Variants in CDK14 observed in about 807,000 individuals in gnomAD.
The protein encoded by CDK14 is cyclin dependent kinase 14, also known as cyclin-dependent kinase 14.
A neutral mutation model predicts 60.7 loss-of-function variants in CDK14; 34 were observed. The ratio of observed to expected loss-of-function variants is 0.56; its 90% confidence interval spans 0.43 to 0.75. CDK14 has a LOEUF of 0.75. Among genes scored for constraint, CDK14 ranks in the 30% least tolerant of loss-of-function variants. The pLI is 0.00. For missense variants in CDK14, 482 were observed against 564.1 expected (o/e 0.85, Z 1.47); for synonymous variants, 197 against 203.7 (o/e 0.97, Z 0.28).
chr7:90,877,319 T>A (rs892048150), intron 6 of CDK14, among the ~76,000 whole-genome samples: 1 of 152,242 alleles, frequency 6.6e-6, no homozygotes, highest in Non-Finnish European at 1.5e-5. Flanking sequence ...AACATTCAAC[T>A]TCTAGTGAGT....
chr7:91,109,356 C>T (rs748009680), intron 12 of CDK14, among the ~76,000 whole-genome samples: 36 of 152,140 alleles, frequency 2.4e-4, no homozygotes, highest in Middle Eastern at 3.4e-3. Flanking sequence ...AATTTGTCAG[C>T]GTTCACCAGC....
chr7:90,853,937 T>C (rs1009842784), intron 5 of CDK14, among the ~76,000 whole-genome samples: 2 of 152,164 alleles, frequency 1.3e-5, no homozygotes, highest in African/African-American at 4.8e-5. Flanking sequence ...GAATGGTCTG[T>C]TTCTCCATAA....
chr7:91,026,789 A>G (rs1562873580), intron 10 of CDK14, among the ~76,000 whole-genome samples: 1 of 152,162 alleles, frequency 6.6e-6, no homozygotes, highest in Admixed American at 6.5e-5. Flanking sequence ...TCATAGTCAT[A>G]TATGGTGAGG....
Position 90,821,464 on chromosome 7 carries a change from C to G in CDK14, c.544+30812C>G, listed in dbSNP as rs542380005. 5.3e-5 allele frequency among the ~76,000 whole-genome samples: 8 copies of G among 152,284 alleles called. No individual in the cohort carries two copies. The South Asian group carries it at 1.7e-3, about 32-fold the overall frequency. On this transcript the variant is annotated intron_variant, in intron 5 of 14. Transcript: ENST00000380050. Reference sequence around the variant, plus strand: ...TAATTTCTTTGTTCGTGTGGCTGTCCTTTGCTCTGTAACTGCCCTCTGAGT... The same window carrying G: ...TAATTTCTTTGTTCGTGTGGCTGTCGTTTGCTCTGTAACTGCCCTCTGAGT...
intron 2 of CDK14, among the ~76,000 whole-genome samples, chr7:90,609,477 C>T (rs1464766704): frequency 1.3e-5 from 2 of 152,096 alleles, no homozygotes; most frequent in Non-Finnish European, 2.9e-5. Flanking sequence ...CCCCTTGGTG[C>T]TGTTCTGGTG....
intron 13 of CDK14, 149 bp from the exon 14 acceptor site, chr7:91,117,916 C>G (rs571029170): frequency 6.0e-5 from 30 of 502,180 alleles, no homozygotes; most frequent in African/African-American, 5.6e-4. Flanking sequence ...GTGCCTGCGA[C>G]CACCTGGCAT....
chr7:91,042,260 A>G (rs921284498), intron 10 of CDK14, among the ~76,000 whole-genome samples: 10 of 152,096 alleles, frequency 6.6e-5, no homozygotes, highest in Non-Finnish European at 1.5e-4. Flanking sequence ...TTATAACCGT[A>G]TACTCTACTG....
intron 11 of CDK14, among the ~76,000 whole-genome samples, chr7:91,048,109 A>G (rs1234924086): frequency 6.6e-6 from 1 of 152,162 alleles, no homozygotes; most frequent in African/African-American, 2.4e-5. Context: ...TAAAAATATC[A>G]AGCAATAGGA....
intron 2 of CDK14, among the ~76,000 whole-genome samples, chr7:90,664,877 C>T (rs1189521387): frequency 2.0e-5 from 3 of 151,992 alleles, no homozygotes; most frequent in Non-Finnish European, 2.9e-5. Flanking sequence ...CAACATGGCA[C>T]GTGTATACAT....
chr7:90,642,296 C>T (rs1012667434), intron 2 of CDK14, among the ~76,000 whole-genome samples: 1 of 152,148 alleles, frequency 6.6e-6, no homozygotes, highest in Admixed American at 6.5e-5. Flanking sequence ...TTGCACATAT[C>T]ACCTTAAACA....
chr7:90,738,454 T>A (rs1584841745), intron 3 of CDK14, among the ~76,000 whole-genome samples: 1 of 152,356 alleles, frequency 6.6e-6, no homozygotes, highest in East Asian at 1.9e-4. Flanking sequence ...ACAAACATTG[T>A]TCAGCTGGAA....
rs1799646195 is a variant in CDK14 at position 91,117,531 on chromosome 7, A to ACC, written c.1295-533_1295-532insCC. On this transcript the variant is annotated intron_variant, in intron 13 of 14. Transcript: ENST00000380050. Reference sequence around the variant, plus strand: ...CCACCAATGTCCCTTCTCAGGAGAGACTTCACTGACCTCCTTCCACCCTAA... The same window carrying ACC: ...CCACCAATGTCCCTTCTCAGGAGAGACCCTTCACTGACCTCCTTCCACCCTAA... Among the ~76,000 whole-genome samples, 4 of 152,034 alleles carry ACC rather than the reference A, an allele frequency of 2.6e-5. No homozygotes were observed. In the South Asian group the frequency reaches 8.3e-4, roughly 32 times the overall value.
chr7:91,112,733 T>G, intron 13 of CDK14, 52 bp downstream of exon 13: 1 of 1,596,772 alleles, frequency 6.3e-7, no homozygotes, highest in Non-Finnish European at 8.6e-7. Context: ...ATCATTTTAT[T>G]TTGGCATCTG....
At chr7:90,941,349 G>A (rs904471935) in intron 8 of CDK14, among the ~76,000 whole-genome samples, 3 of 152,164 alleles carry the variant, frequency 2.0e-5, no homozygotes, top group African/African-American at 7.2e-5. Context: ...AGCATCTGCT[G>A]TACCCACTGC....
intron 10 of CDK14, among the ~76,000 whole-genome samples, chr7:91,024,405 C>CA (rs1187390207): frequency 6.6e-6 from 1 of 152,106 alleles, no homozygotes; most frequent in Non-Finnish European, 1.5e-5. Context: ...GTAATCCCAG[C>CA]ACTTTGGAAG....
intron 14 of CDK14, among the ~76,000 whole-genome samples, chr7:91,127,134 G>A (rs910837689): frequency 2.0e-5 from 3 of 152,270 alleles, no homozygotes; most frequent in Non-Finnish European, 2.9e-5. Flanking sequence ...GAAAATGATT[G>A]TGAAGTGGAA....
intron 10 of CDK14, among the ~76,000 whole-genome samples, chr7:91,015,521 GTTTTTTTTT>G (rs10710645): frequency 2.6e-5 from 2 of 77,664 alleles, no homozygotes; most frequent in Admixed American, 1.7e-4. Flanking sequence ...TATGTCTTGG[GTTTTTTTTT>G]TTTTTTTTTT....
chr7:90,932,613 A>G (rs1022285003), intron 8 of CDK14, among the ~76,000 whole-genome samples: 14 of 152,184 alleles, frequency 9.2e-5, no homozygotes, highest in African/African-American at 3.4e-4. Context: ...TAAGTTGGGG[A>G]AATGTTGGTA....
At chr7:90,614,879 G>C (rs1257046410) in intron 2 of CDK14, among the ~76,000 whole-genome samples, 1 of 151,822 alleles carries the variant, frequency 6.6e-6, no homozygotes, top group African/African-American at 2.4e-5. Context: ...TTGTGACCTG[G>C]GTGTTCCACG....
Sources: allele counts gnomAD v4.1 joint callset (sites outside exome capture counted in the v4.1 genomes callset), GRCh38; gene constraint gnomAD v4.1.1; transcripts MANE v1.5; gene names NCBI Gene and HGNC (gene_info 2026-07-23, HGNC 2026-07-21).